The following FAT3 variants were observed in gnomAD, a reference collection of about 807,000 sequenced individuals.
The protein encoded by FAT3 is FAT atypical cadherin 3.
A neutral mutation model predicts 310.2 loss-of-function variants in FAT3; 95 were observed. The observed-to-expected ratio is 0.31, with a 90% CI of 0.26 to 0.36. The LOEUF (loss-of-function observed/expected upper bound fraction) is 0.36. FAT3 is among the 10% of genes least tolerant of loss of function. FAT3 has a pLI of 1.00. For synonymous variants in FAT3, 2,314 were observed against 2,192.9 expected (o/e 1.06, Z -1.54); for missense variants, 5,408 against 5,715.6 (o/e 0.95, Z 1.74).
intron 22 of FAT3, among the ~76,000 whole-genome samples, chr11:92,874,750 G>T (rs527618959): frequency 2.6e-5 from 4 of 152,098 alleles, no homozygotes; most frequent in Non-Finnish European, 5.9e-5. Context: ...TATTGGTCAG[G>T]CTGGTCTCAA....
At chr11:92,871,423 A>G in intron 22 of FAT3, among the ~76,000 whole-genome samples, 1 of 152,176 alleles carries the variant, frequency 6.6e-6, no homozygotes, top group East Asian at 1.9e-4. Context: ...CTGAATCGGA[A>G]TCTGTATTTT....
intron 1 of FAT3, among the ~76,000 whole-genome samples, chr11:92,243,447 T>C (rs1353780045): frequency 6.6e-6 from 1 of 152,086 alleles, no homozygotes; most frequent in Admixed American, 6.6e-5. Flanking sequence ...GAAATGTTTT[T>C]TGTTGAAAGC....
At chr11:92,601,182 G>A (rs955585863) in intron 3 of FAT3, among the ~76,000 whole-genome samples, 6 of 151,976 alleles carry the variant, frequency 3.9e-5, no homozygotes, top group African/African-American at 1.5e-4. Context: ...AGCTGCTATG[G>A]GAGGAGGAAG....
At chr11:92,336,145 C>G in intron 1 of FAT3, 1 of 543,718 alleles carries the variant, frequency 1.8e-6, no homozygotes. Flanking sequence ...CTGCAGTGGG[C>G]CCACTCTCGC....
intron 7 of FAT3, among the ~76,000 whole-genome samples, chr11:92,783,230 C>T (rs750468277): frequency 5.7e-4 from 87 of 151,800 alleles, no homozygotes; most frequent in African/African-American, 1.9e-3. Context: ...TGGTGGAATG[C>T]GCCTGTAGTG....
rs1343593095 is a variant in FAT3 at position 92,582,511 on chromosome 11, C to A, written c.3607+57563C>A. On this transcript the variant is annotated intron_variant, in intron 3 of 27. Coordinates refer to ENST00000525166, the MANE Select transcript of FAT3 (RefSeq NM_001367949.2). ...CTATATTTTAATTTGATAATTCTAG[C>A]AATCCTTCATATAACATTTCTGAGA... is the stretch of plus-strand genomic sequence containing the variant. Among the ~76,000 whole-genome samples, 3 of 152,110 alleles carry A rather than the reference C, an allele frequency of 2.0e-5. No individual in the cohort carries two copies. The East Asian group carries it at 5.8e-4, about 30-fold the overall frequency.
intron 4 of FAT3, among the ~76,000 whole-genome samples, chr11:92,733,156 G>A (rs1424452493): frequency 6.6e-6 from 1 of 152,140 alleles, no homozygotes; most frequent in Non-Finnish European, 1.5e-5. Flanking sequence ...GATGTCAGAA[G>A]GCTACGTATG....
intron 3 of FAT3, among the ~76,000 whole-genome samples, chr11:92,528,278 A>G (rs937134503): frequency 1.3e-5 from 2 of 152,238 alleles, no homozygotes; most frequent in Non-Finnish European, 2.9e-5. Context: ...TGGCCGGTAC[A>G]GAGAACTCTT....
chr11:92,245,942 G>A lies in FAT3; in HGVS notation c.-18+20768G>A, dbSNP rs1441041390. The stretch of plus-strand genomic sequence containing the variant: ...CCCAGGGGAGGGGAGTGTCATGGAA[G>A]CCAAAGAATCAGATTTTCAAGAATG... On this transcript the variant is annotated intron_variant, in intron 1 of 27. Transcript: ENST00000525166. 2.6e-5 allele frequency among the ~76,000 whole-genome samples: 4 copies of A among 152,218 alleles called. No homozygotes were observed. In the East Asian group the frequency reaches 7.8e-4, roughly 30 times the overall value.
chr11:92,534,908 TG>T (rs1954202883), intron 3 of FAT3, among the ~76,000 whole-genome samples: 1 of 152,124 alleles, frequency 6.6e-6, no homozygotes, highest in Non-Finnish European at 1.5e-5. Flanking sequence ...TTAGGTTTGA[TG>T]AAAAATGGAC....
Position 92,798,842 on chromosome 11 carries a change from C to A in FAT3, c.5829C>A (p.Asn1943Lys). Residue 1943 changes from asparagine to lysine, a missense_variant, in exon 10 of 28, where the codon AAC (asparagine) becomes AAA (lysine). This residue lies in a region of FAT3 where 4,588 missense variants were observed against 4,809.8 expected (regional missense o/e 0.95). Transcript: ENST00000525166. ...DSNSGVLTIK[N>K]NNLSKDHYML... ...ACAGTGGAGTACTTACCATAAAAAA[C>A]AACAACCTCTCCAAGGATCACTACA... 6.2e-7 allele frequency: 1 copy of A among 1,613,860 alleles called. No homozygotes were observed. Among genetic ancestry groups the A allele is most frequent in the Non-Finnish European group, 8.5e-7 (1 of 1,179,854 alleles).
intron 3 of FAT3, among the ~76,000 whole-genome samples, chr11:92,555,266 G>A (rs138049498): frequency 6.6e-6 from 1 of 152,184 alleles, no homozygotes; most frequent in Non-Finnish European, 1.5e-5. Flanking sequence ...GGATTGTATT[G>A]CAGCATTAAC....
chr11:92,797,658 T>G (rs1947210506), intron 9 of FAT3, among the ~76,000 whole-genome samples, 178 bp from the exon 10 acceptor site: 1 of 152,184 alleles, frequency 6.6e-6, no homozygotes, highest in African/African-American at 2.4e-5. Context: ...TCATTTTGGT[T>G]CCTTTTCAGT....
chr11:92,230,851 T>C (rs552541832), intron 1 of FAT3, among the ~76,000 whole-genome samples: 2 of 152,228 alleles, frequency 1.3e-5, no homozygotes, highest in East Asian at 3.9e-4. Flanking sequence ...TAATGTGAGG[T>C]GGAGTAAACT....
Position 92,774,170 on chromosome 11 carries a change from C to A in FAT3, c.4325C>A (p.Ala1442Asp), listed in dbSNP as rs373941673. 3 of 1,609,950 alleles carry A rather than the reference C, an allele frequency of 1.9e-6. No individual in the cohort carries two copies. In the African/African-American group the frequency reaches 4.0e-5, roughly 22 times the overall value. The change falls in exon 7 of 28, where the codon GCT becomes GAT. Residue 1442 changes from alanine to aspartate, a missense_variant. Physicochemically the swap from Ala to Asp is moderately radical, Grantham distance 126. This residue lies in a region of FAT3 where 4,588 missense variants were observed against 4,809.8 expected (regional missense o/e 0.95). Coordinates refer to ENST00000525166, the MANE Select transcript of FAT3 (RefSeq NM_001367949.2). ...SVEVTDGTNV[A>D]VTQVFIKVLD... is the part of the protein sequence containing the mutation. ...GAAGTCACCGATGGGACAAATGTTG[C>A]TGTTACTCAGGTGAGATGTTAAATT...
chr11:92,277,702 T>C (rs1329313618), intron 1 of FAT3, among the ~76,000 whole-genome samples: 1 of 151,124 alleles, frequency 6.6e-6, no homozygotes, highest in Non-Finnish European at 1.5e-5. Context: ...AATACTAGAG[T>C]GGAGAGAGAG....
At chr11:92,619,293 A>G (rs1043123798) in intron 3 of FAT3, among the ~76,000 whole-genome samples, 2 of 152,160 alleles carry the variant, frequency 1.3e-5, no homozygotes, top group African/African-American at 4.8e-5. Flanking sequence ...TAACTTTTGC[A>G]TATATATTCA....
intron 1 of FAT3, among the ~76,000 whole-genome samples, chr11:92,351,612 A>G (rs1465050627): frequency 6.6e-6 from 1 of 152,100 alleles, no homozygotes; most frequent in Admixed American, 6.5e-5. Flanking sequence ...ATTTTATTTT[A>G]TGAATACACC....
intron 3 of FAT3, among the ~76,000 whole-genome samples, chr11:92,595,785 A>G (rs1006508637): frequency 3.9e-5 from 6 of 152,146 alleles, no homozygotes; most frequent in African/African-American, 1.2e-4. Flanking sequence ...CACCTTCACA[A>G]CTGACACCTG....
Sources: gnomAD v4.1 joint callset for allele counts (sites outside exome capture counted in the v4.1 genomes callset) on GRCh38, gnomAD v4.1.1 for gene constraint, gnomAD v4.1.1 regional missense constraint, MANE v1.5 for transcripts, NCBI Gene and HGNC (gene_info 2026-07-23, HGNC 2026-07-21) for gene names.